Variants in SFMBT1 observed in about 807,000 individuals in gnomAD.
SFMBT1 encodes Scm like with four mbt domains 1.
In SFMBT1, 32 loss-of-function variants were observed where a neutral mutation model predicts 108.7. The observed-to-expected ratio is 0.29, with a 90% confidence interval of 0.22 to 0.40. The LOEUF is 0.40. SFMBT1 is among the 10% of genes least tolerant of loss of function. SFMBT1 has a pLI of 1.00. For synonymous variants in SFMBT1, 348 were observed against 369.5 expected (o/e 0.94, Z 0.67); for missense variants, 816 against 1,059.6 (o/e 0.77, Z 3.19).
intron 1 of SFMBT1, among the ~76,000 whole-genome samples, chr3:53,032,156 G>A (rs1699707719): frequency 1.3e-5 from 2 of 152,164 alleles, no homozygotes; most frequent in African/African-American, 2.4e-5. Context: ...GAATGTTTGA[G>A]GTCAGGGGTT....
intron 1 of SFMBT1, among the ~76,000 whole-genome samples, chr3:53,042,764 T>A (rs187870235): frequency 2.3e-4 from 35 of 151,700 alleles, no homozygotes; most frequent in Admixed American, 1.0e-3. Context: ...AAAAATGTAA[T>A]AGATTTTAAA....
At chr3:52,942,190 C>T (rs894019663) in intron 4 of SFMBT1, among the ~76,000 whole-genome samples, 4 of 152,144 alleles carry the variant, frequency 2.6e-5, no homozygotes. Flanking sequence ...AAACTGAGTA[C>T]TATCTGTAAA....
At chr3:52,968,853 A>T (rs59838592) in intron 2 of SFMBT1, among the ~76,000 whole-genome samples, 4,467 of 152,222 alleles carry the variant, frequency 0.029, 257 homozygotes, top group African/African-American at 0.1. Context: ...TCGGCCTCCC[A>T]AAGTGTTATG....
intron 1 of SFMBT1, among the ~76,000 whole-genome samples, chr3:53,019,383 GTGT>G (rs386660965): frequency 1.9e-4 from 23 of 122,410 alleles, no homozygotes; most frequent in African/African-American, 5.5e-4. Context: ...GTGTGTGTGT[GTGT>G]GGGGGGGGTA....
intron 2 of SFMBT1, among the ~76,000 whole-genome samples, chr3:52,958,358 C>T (rs967948895): frequency 2.6e-5 from 4 of 152,108 alleles, no homozygotes; most frequent in East Asian, 1.9e-4. Context: ...TGGGAGGCCG[C>T]GGCAGGCGGA....
chr3:52,992,491 A>G (rs1364172543), intron 1 of SFMBT1, among the ~76,000 whole-genome samples: 2 of 152,206 alleles, frequency 1.3e-5, no homozygotes, highest in African/African-American at 4.8e-5. Flanking sequence ...TTAAAATGTT[A>G]AAGTGATTTT....
At chr3:52,975,605 T>G (rs1331116429) in intron 1 of SFMBT1, among the ~76,000 whole-genome samples, 3 of 152,076 alleles carry the variant, frequency 2.0e-5, no homozygotes, top group Non-Finnish European at 4.4e-5. Flanking sequence ...CTGAGAATTT[T>G]TTTGTTTGTT....
intron 10 of SFMBT1, among the ~76,000 whole-genome samples, chr3:52,924,498 C>T (rs1302948058): frequency 2.6e-5 from 4 of 151,960 alleles, no homozygotes; most frequent in Non-Finnish European, 4.4e-5. Context: ...AAAAATTAGC[C>T]AGGCATGGTG....
chr3:52,931,016 A>T lies in SFMBT1; in HGVS notation c.720T>A (p.Asn240Lys), dbSNP rs778046879. 13 of 1,613,934 alleles carry T rather than the reference A, an allele frequency of 8.1e-6. No homozygotes were observed. Among genetic ancestry groups the T allele is most frequent in the Non-Finnish European group, 1.1e-5 (13 of 1,179,876 alleles). The change falls in exon 7 of 21, where the codon AAT becomes AAA. Residue 240 changes from asparagine to lysine, a missense_variant. This residue lies in a region of SFMBT1 where 495 missense variants were observed against 607.4 expected (regional missense o/e 0.81). Transcript: ENST00000394752. Reference sequence around the variant, plus strand: ...CCAAAATCTCTTGCCACTCAGCTTCATTTTTTAGATGTCTAATGGCTTTAA... The same window carrying T: ...CCAAAATCTCTTGCCACTCAGCTTCTTTTTTTAGATGTCTAATGGCTTTAA... ...QPPSAIRHLK[N>K]EAEWQEILAK... is the part of the protein sequence containing the mutation.
chr3:53,033,153 T>C (rs1699744974), intron 1 of SFMBT1, among the ~76,000 whole-genome samples: 2 of 152,078 alleles, frequency 1.3e-5, no homozygotes. Context: ...ACAAAATTTT[T>C]TAATAAAATT....
rs369075204 is a variant in SFMBT1, at chr3:53,001,512, T to C, written c.-130-32254A>G. ...AACAGAAGAGTTTTGCTTTCAAGCA[T>C]CTTGGATCCAGTAGTAAGTAGATGG... is the stretch of plus-strand genomic sequence containing the variant. On this transcript the variant is annotated intron_variant, in intron 1 of 20. Coordinates refer to ENST00000394752, the MANE Select transcript of SFMBT1 (RefSeq NM_016329.4). 1.2e-3 allele frequency among the ~76,000 whole-genome samples: 182 copies of C among 150,186 alleles called. 1 individual carries two copies. The highest frequency in any genetic ancestry group is 4.3e-3 in the African/African-American group (176 of 41,376).
intron 1 of SFMBT1, among the ~76,000 whole-genome samples, chr3:52,987,129 T>C (rs987306561): frequency 2.0e-5 from 3 of 152,124 alleles, no homozygotes; most frequent in African/African-American, 4.8e-5. Flanking sequence ...AGCAATAACA[T>C]GCATGGAGCT....
At chr3:52,996,206 C>CTTTTTT (rs35167235) in intron 1 of SFMBT1, among the ~76,000 whole-genome samples, 15 of 88,130 alleles carry the variant, frequency 1.7e-4, no homozygotes, top group South Asian at 1.6e-3. Context: ...ATAAACAATC[C>CTTTTTT]TTTTTTTTTT....
At chr3:52,945,140 A>AAAAAAAAAAAACAAAAAAAAAAAC in intron 3 of SFMBT1, among the ~76,000 whole-genome samples, 1 of 146,268 alleles carries the variant, frequency 6.8e-6, no homozygotes, top group East Asian at 2.0e-4. Context: ...TCCAATTAAA[A>AAAAAAAAAAAACAAAAAAAAAAAC]AAAAAAAAAA....
chr3:52,997,478 G>A (rs1184136234), intron 1 of SFMBT1, among the ~76,000 whole-genome samples: 2 of 149,268 alleles, frequency 1.3e-5, no homozygotes, highest in African/African-American at 2.4e-5. Context: ...GGAGCTTGTA[G>A]TGAGCCGAGA....
At chr3:52,986,052 A>T (rs1704900189) in intron 1 of SFMBT1, among the ~76,000 whole-genome samples, 1 of 151,148 alleles carries the variant, frequency 6.6e-6, no homozygotes, top group Non-Finnish European at 1.5e-5. Flanking sequence ...CTGAGGCAGG[A>T]GAATTGCTTG....
At chr3:52,989,307 G>C (rs1705036730) in intron 1 of SFMBT1, among the ~76,000 whole-genome samples, 1 of 151,518 alleles carries the variant, frequency 6.6e-6, no homozygotes, top group South Asian at 2.1e-4. Flanking sequence ...GTTTTCATGT[G>C]TTATAAGAAA....
chr3:52,960,039 G>C (rs956048282), intron 2 of SFMBT1, among the ~76,000 whole-genome samples: 2 of 151,962 alleles, frequency 1.3e-5, no homozygotes, highest in South Asian at 2.1e-4. Flanking sequence ...ACTGGAAGCA[G>C]TAAGTAGAAT....
chr3:52,921,017 A>G (rs1702506263), intron 11 of SFMBT1, among the ~76,000 whole-genome samples: 1 of 152,232 alleles, frequency 6.6e-6, no homozygotes, highest in South Asian at 2.1e-4. Flanking sequence ...CAATGAGAAC[A>G]TCAGTTCTGG....
Sources: allele counts gnomAD v4.1 joint callset (sites outside exome capture counted in the v4.1 genomes callset), GRCh38; gene constraint gnomAD v4.1.1; regional missense constraint gnomAD v4.1.1; transcripts MANE v1.5; gene names NCBI Gene and HGNC (gene_info 2026-07-23, HGNC 2026-07-21).